The following BRD10 variants were observed in gnomAD, a reference collection of about 807,000 sequenced individuals.
BRD10 encodes bromodomain containing 10, also known as uncharacterized bromodomain-containing protein 10.
the BRD10 span, chr9:5,969,156 G>A: frequency 6.2e-7 from 1 of 1,613,810 alleles, no homozygotes; most frequent in Admixed American, 1.7e-5. Context: ...GGTCTTCGAT[G>A]TAAGGTAGGT....
the BRD10 span, among the ~76,000 whole-genome samples, chr9:5,966,332 C>G: frequency 6.6e-6 from 1 of 151,100 alleles, no homozygotes; most frequent in African/African-American, 2.4e-5. Flanking sequence ...AGCATATGAA[C>G]AGAAGTGTAA....
At chr9:5,903,910 T>G in the BRD10 span, among the ~76,000 whole-genome samples, 1 of 151,766 alleles carries the variant, frequency 6.6e-6, no homozygotes. Context: ...TAGACTGGAG[T>G]GCAGTGGTGT....
At chr9:5,930,265 G>C in the BRD10 span, among the ~76,000 whole-genome samples, 1 of 151,142 alleles carries the variant, frequency 6.6e-6, no homozygotes, top group Admixed American at 6.6e-5. Context: ...CAACTGTTGA[G>C]TCCATTTGCA....
the BRD10 span, among the ~76,000 whole-genome samples, chr9:5,947,747 G>C: frequency 1.3e-5 from 2 of 151,922 alleles, no homozygotes; most frequent in Non-Finnish European, 2.9e-5. Context: ...CCAAAATAAG[G>C]CATATATGTG....
the BRD10 span, among the ~76,000 whole-genome samples, chr9:5,916,174 A>T: frequency 1.2e-4 from 19 of 152,338 alleles, no homozygotes; most frequent in Non-Finnish European, 7.4e-5. Context: ...TGATGGCAAA[A>T]CTACTTCTGG....
At chr9:5,904,231 G>A in the BRD10 span, among the ~76,000 whole-genome samples, 2 of 152,202 alleles carry the variant, frequency 1.3e-5, no homozygotes, top group Admixed American at 1.3e-4. Context: ...AGAACACATA[G>A]TTGGGTCTTG....
At chr9:5,951,620 A>G in the BRD10 span, among the ~76,000 whole-genome samples, 4 of 152,234 alleles carry the variant, frequency 2.6e-5, no homozygotes, top group South Asian at 2.1e-4. Flanking sequence ...GCTAAATACC[A>G]TATCGCTAGA....
the BRD10 span, among the ~76,000 whole-genome samples, chr9:5,945,264 A>C: frequency 1.3e-5 from 2 of 152,096 alleles, no homozygotes. Flanking sequence ...GCCCAGAATG[A>C]CAAAGATCTG....
chr9:5,981,559 A>C, the BRD10 span, among the ~76,000 whole-genome samples: 2 of 152,210 alleles, frequency 1.3e-5, no homozygotes, highest in African/African-American at 4.8e-5. Flanking sequence ...CTATCTATCT[A>C]TCTATCTATC....
At chr9:5,939,517 C>G in the BRD10 span, among the ~76,000 whole-genome samples, 1 of 152,176 alleles carries the variant, frequency 6.6e-6, no homozygotes, top group African/African-American at 2.4e-5. Flanking sequence ...AAGGTTAACA[C>G]AGACATTCAC....
chr9:5,927,982 C>T, the BRD10 span, among the ~76,000 whole-genome samples: 2 of 152,148 alleles, frequency 1.3e-5, no homozygotes, highest in African/African-American at 4.8e-5. Context: ...TTCAATAACA[C>T]CAATTATATG....
the BRD10 span, among the ~76,000 whole-genome samples, chr9:5,965,317 C>CA: frequency 6.1e-3 from 875 of 144,290 alleles, 5 homozygotes; most frequent in East Asian, 0.02. Context: ...AAAATAAATT[C>CA]AAAAAAAAAA....
At chr9:6,003,649 G>C in the BRD10 span, among the ~76,000 whole-genome samples, 1 of 152,024 alleles carries the variant, frequency 6.6e-6, no homozygotes, top group African/African-American at 2.4e-5. Flanking sequence ...CTTTGAAAAA[G>C]GCAATATACA....
At chr9:5,906,788 T>C in the BRD10 span, 1 of 722,746 alleles carries the variant, frequency 1.4e-6, no homozygotes, top group Non-Finnish European at 2.2e-6. Context: ...AGAACCTAGA[T>C]TAAAACTCAT....
the BRD10 span, among the ~76,000 whole-genome samples, chr9:5,988,013 TG>T: frequency 6.6e-6 from 1 of 152,204 alleles, no homozygotes; most frequent in Non-Finnish European, 1.5e-5. Context: ...GAGATTCTCC[TG>T]ATTTTAAAGG....
the BRD10 span, chr9:6,008,410 G>T: frequency 1.7e-6 from 1 of 584,680 alleles, no homozygotes; most frequent in Non-Finnish European, 2.2e-6. Flanking sequence ...AGGGCACTCA[G>T]CCCCCCGGCT....
the BRD10 span, among the ~76,000 whole-genome samples, chr9:5,934,836 C>G: frequency 1.3e-5 from 2 of 152,124 alleles, no homozygotes; most frequent in Non-Finnish European, 1.5e-5. Context: ...TCTAAACTCA[C>G]ATGTATAAAA....
the BRD10 span, among the ~76,000 whole-genome samples, chr9:5,980,406 G>C: frequency 6.6e-6 from 1 of 152,098 alleles, no homozygotes; most frequent in Non-Finnish European, 1.5e-5. Flanking sequence ...GGTATCCAAA[G>C]CTGTCCAAAC....
the BRD10 span, among the ~76,000 whole-genome samples, chr9:5,942,129 G>C: frequency 1.3e-5 from 2 of 152,132 alleles, no homozygotes; most frequent in African/African-American, 4.8e-5. Flanking sequence ...ACTTAGTTTT[G>C]ACAGTGAAAT....
Sources: allele counts gnomAD v4.1 joint callset (sites outside exome capture counted in the v4.1 genomes callset), GRCh38; gene constraint gnomAD v4.1.1; transcripts MANE v1.5; gene names NCBI Gene and HGNC (gene_info 2026-07-23, HGNC 2026-07-21).